DPP10: variants seen among roughly 807,000 people sequenced by gnomAD.
The protein encoded by DPP10 is dipeptidyl peptidase like 10.
Under a neutral mutation model 120.9 loss-of-function variants are expected in DPP10, and 33 were observed. That is an observed-to-expected ratio of 0.27 (90% CI 0.21 to 0.37). The LOEUF (loss-of-function observed/expected upper bound fraction) is 0.37. Among genes scored for constraint, DPP10 ranks in the 10% least tolerant of loss-of-function variants. The probability of loss-of-function intolerance (pLI) is 1.00; values close to 1 mark genes in which losing one functional copy is unlikely to be tolerated. For synonymous variants in DPP10, 337 were observed against 326.1 expected (o/e 1.03, Z -0.36); for missense variants, 816 against 942.8 (o/e 0.87, Z 1.76).
chr2:115,053,219 G>T (rs1022947520), intron 1 of DPP10, among the ~76,000 whole-genome samples: 7 of 152,100 alleles, frequency 4.6e-5, no homozygotes, highest in Admixed American at 2.6e-4. Flanking sequence ...TAATCCAAAT[G>T]GCCATCAGCT....
intron 11 of DPP10, among the ~76,000 whole-genome samples, chr2:115,757,733 A>C (rs918498867): frequency 6.6e-6 from 1 of 151,894 alleles, no homozygotes; most frequent in African/African-American, 2.4e-5. Context: ...AAATGAGGTT[A>C]ATCCCAGGAA....
At chr2:115,062,134 G>C (rs1371438077) in intron 1 of DPP10, among the ~76,000 whole-genome samples, 2,393 of 96,448 alleles carry the variant, frequency 0.025, 59 homozygotes, top group African/African-American at 0.11. Context: ...AGTTCTGTGT[G>C]TGTGTGTGTG....
intron 21 of DPP10, among the ~76,000 whole-genome samples, chr2:115,825,852 G>A (rs1416088110): frequency 6.6e-6 from 1 of 152,142 alleles, no homozygotes; most frequent in Non-Finnish European, 1.5e-5. Context: ...CTAGAATTGG[G>A]CAAGACTTCA....
At chr2:115,009,247 C>A (rs1209857349) in intron 1 of DPP10, among the ~76,000 whole-genome samples, 5 of 151,108 alleles carry the variant, frequency 3.3e-5, no homozygotes, top group Non-Finnish European at 7.4e-5. Flanking sequence ...TACTATGCAG[C>A]CATAAAAAAC....
chr2:115,648,645 C>G (rs546687219), intron 5 of DPP10, among the ~76,000 whole-genome samples: 7 of 150,798 alleles, frequency 4.6e-5, no homozygotes, highest in Non-Finnish European at 8.9e-5. Flanking sequence ...AAAAAGTAGA[C>G]AATTTTTGTC....
intron 2 of DPP10, among the ~76,000 whole-genome samples, chr2:115,338,915 G>A (rs182436926): frequency 6.6e-6 from 1 of 152,244 alleles, no homozygotes; most frequent in East Asian, 1.9e-4. Flanking sequence ...AGACTTGACA[G>A]CAAAAGCACG....
intron 2 of DPP10, among the ~76,000 whole-genome samples, chr2:115,311,434 G>T (rs936950644): frequency 3.9e-5 from 6 of 152,082 alleles, no homozygotes; most frequent in African/African-American, 1.4e-4. Context: ...CCCAGAAAAG[G>T]TATAAAACCT....
chr2:114,618,133 C>T (rs1315041226), intron 1 of DPP10, among the ~76,000 whole-genome samples: 2 of 152,086 alleles, frequency 1.3e-5, no homozygotes, highest in East Asian at 1.9e-4. Flanking sequence ...TATCAAGAAG[C>T]TCTCAACCTT....
chr2:114,912,713 G>A lies in DPP10; in HGVS notation c.61-396526G>A, dbSNP rs554483448. 2.0e-5 allele frequency among the ~76,000 whole-genome samples: 3 copies of A among 152,332 alleles called. No individual in the cohort carries two copies. The East Asian group carries it at 5.8e-4, about 30-fold the overall frequency. ...CCAGGACTCATTTTGGCCCCAAGCA[G>A]CTCCCAGGGAAAAGGTGAGTTTGAA... On this transcript the variant is annotated intron_variant, in intron 1 of 25. Transcript: ENST00000410059.
rs956194880 is a variant in DPP10 at position 115,388,945 on chromosome 2, C to T, written c.271+45033C>T. ...TATTCTTTTAACTTTGAAGGTTAAGCTTGGTTCAAGAGCTGCCTGGAATCA... is the reference window on the plus strand; with the variant it reads ...TATTCTTTTAACTTTGAAGGTTAAGTTTGGTTCAAGAGCTGCCTGGAATCA... On this transcript the variant is annotated intron_variant, in intron 3 of 25. Transcript: ENST00000410059. Among the ~76,000 whole-genome samples the T allele has an allele frequency of 3.3e-5, 5 of 152,012 alleles. No homozygotes were observed. The South Asian group carries it at 1.0e-3, about 32-fold the overall frequency.
intron 1 of DPP10, among the ~76,000 whole-genome samples, chr2:115,196,043 T>A (rs2055241246): frequency 6.6e-6 from 1 of 152,168 alleles, no homozygotes; most frequent in South Asian, 2.1e-4. Flanking sequence ...GTGTTTTCAG[T>A]GTTGTTGAGG....
intron 5 of DPP10, among the ~76,000 whole-genome samples, chr2:115,563,648 C>T (rs1016697506): frequency 1.3e-5 from 2 of 152,124 alleles, no homozygotes; most frequent in African/African-American, 2.4e-5. Flanking sequence ...ACACAGTGGG[C>T]ACTTGATACA....
intron 17 of DPP10, among the ~76,000 whole-genome samples, chr2:115,786,820 C>CT (rs1342549863): frequency 6.6e-6 from 1 of 152,112 alleles, no homozygotes; most frequent in African/African-American, 2.4e-5. Flanking sequence ...AAAGATGAAA[C>CT]TGGAAATGAA....
intron 1 of DPP10, among the ~76,000 whole-genome samples, chr2:114,501,320 A>C (rs988822755): frequency 3.3e-5 from 5 of 152,204 alleles, no homozygotes; most frequent in African/African-American, 4.8e-5. Context: ...AGCAATGGTG[A>C]GTGTGCAATG....
intron 1 of DPP10, among the ~76,000 whole-genome samples, chr2:114,891,185 C>T (rs1450551783): frequency 6.6e-6 from 1 of 152,030 alleles, no homozygotes; most frequent in Non-Finnish European, 1.5e-5. Flanking sequence ...ATGTGGTTGG[C>T]AGCCAAATAG....
intron 1 of DPP10, among the ~76,000 whole-genome samples, chr2:114,569,258 G>A (rs1330599223): frequency 6.6e-6 from 1 of 152,132 alleles, no homozygotes; most frequent in Non-Finnish European, 1.5e-5. Flanking sequence ...GCTGGTAAGG[G>A]ACAAATCCTG....
intron 21 of DPP10, among the ~76,000 whole-genome samples, chr2:115,832,691 A>G (rs561687671): frequency 6.6e-6 from 1 of 152,330 alleles, no homozygotes; most frequent in South Asian, 2.1e-4. Context: ...AACTCCTTGT[A>G]TAGCAGCAAT....
Position 115,712,540 on chromosome 2 carries a change from T to TTTTATATATATATATA in DPP10, c.577-15275_577-15274insTTATATATATATATAT, listed in dbSNP as rs778592374. 3.3e-3 allele frequency among the ~76,000 whole-genome samples: 60 copies of TTTTATATATATATATA among 18,052 alleles called. 3 individuals are homozygous for TTTTATATATATATATA. The highest frequency in any genetic ancestry group is 7.1e-3 in the East Asian group (2 of 280). 11.8% of individuals were successfully genotyped at this position (18,052 alleles called of 152,430 possible). Reference sequence around the variant, plus strand: ...AGAAATAGCTTTGAAGAGTCCTGAATTAAATATATATATATATATATATAT... The same window carrying TTTTATATATATATATA: ...AGAAATAGCTTTGAAGAGTCCTGAATTTTATATATATATATATAAATATATATATATATATATATAT... On this transcript the variant is annotated intron_variant, in intron 7 of 25. Coordinates refer to ENST00000410059, the MANE Select transcript of DPP10 (RefSeq NM_020868.6).
intron 1 of DPP10, among the ~76,000 whole-genome samples, chr2:115,009,729 A>G (rs1702125624): frequency 6.6e-6 from 1 of 152,156 alleles, no homozygotes; most frequent in South Asian, 2.1e-4. Flanking sequence ...TACCTATGTA[A>G]CACACCTGCA....
Sources: allele counts gnomAD v4.1 joint callset (sites outside exome capture counted in the v4.1 genomes callset), GRCh38; gene constraint gnomAD v4.1.1; transcripts MANE v1.5; gene names NCBI Gene and HGNC (gene_info 2026-07-23, HGNC 2026-07-21).